OXR1: variants seen among roughly 807,000 people sequenced by gnomAD.
OXR1 encodes oxidation resistance protein 1.
In OXR1, 41 loss-of-function variants were observed where a neutral mutation model predicts 104.6. The ratio of observed to expected loss-of-function variants is 0.39; its 90% confidence interval spans 0.31 to 0.51. The LOEUF (loss-of-function observed/expected upper bound fraction) is 0.51. OXR1 is among the 20% of genes least tolerant of loss of function. The pLI is 0.77. For synonymous variants in OXR1, 348 were observed against 348.4 expected (o/e 1.00, Z 0.01); for missense variants, 955 against 1,031.9 (o/e 0.93, Z 1.02).
At chr8:106,358,850 A>AT (rs1412262713) in intron 1 of OXR1, among the ~76,000 whole-genome samples, 8 of 149,272 alleles carry the variant, frequency 5.4e-5, no homozygotes, top group Admixed American at 5.3e-4. Context: ...AATTTAGTGA[A>AT]TAATTTAATT....
At chr8:106,288,530 ATG>A (rs139132173) in intron 1 of OXR1, among the ~76,000 whole-genome samples, 32 of 131,534 alleles carry the variant, frequency 2.4e-4, no homozygotes, top group African/African-American at 8.7e-4. Flanking sequence ...ATATATATGT[ATG>A]TGTGTGTGTG....
intron 3 of OXR1, among the ~76,000 whole-genome samples, chr8:106,661,764 A>C (rs1825790556): frequency 6.6e-6 from 1 of 152,224 alleles, no homozygotes; most frequent in African/African-American, 2.4e-5. Context: ...ATTTTTAGCA[A>C]TTAAAACTAT....
At chr8:106,336,575 G>A (rs1586538689) in intron 1 of OXR1, among the ~76,000 whole-genome samples, 1 of 152,276 alleles carries the variant, frequency 6.6e-6, no homozygotes, top group East Asian at 1.9e-4. Context: ...TGATGAATTG[G>A]AATCAAATTA....
intron 3 of OXR1, among the ~76,000 whole-genome samples, chr8:106,611,777 G>C (rs951201725): frequency 2.0e-5 from 3 of 152,058 alleles, no homozygotes; most frequent in African/African-American, 7.3e-5. Context: ...GAGTCCTGTT[G>C]CCTGTAAACA....
intron 3 of OXR1, among the ~76,000 whole-genome samples, chr8:106,542,279 T>C (rs1815013163): frequency 6.6e-6 from 1 of 152,132 alleles, no homozygotes; most frequent in Admixed American, 6.6e-5. Flanking sequence ...GAATCAAGTT[T>C]ACAAGAAAGC....
At chr8:106,341,163 A>G (rs1815230692) in intron 1 of OXR1, among the ~76,000 whole-genome samples, 1 of 152,126 alleles carries the variant, frequency 6.6e-6, no homozygotes, top group South Asian at 2.1e-4. Context: ...TTTATTTTAT[A>G]GCCTTCACCT....
intron 3 of OXR1, among the ~76,000 whole-genome samples, chr8:106,590,572 C>G (rs1391337407): frequency 6.6e-6 from 1 of 152,246 alleles, no homozygotes; most frequent in South Asian, 2.1e-4. Context: ...AGGCATGAGC[C>G]ACCGTGCCCG....
intron 2 of OXR1, among the ~76,000 whole-genome samples, chr8:106,438,055 A>C (rs778975230): frequency 4.6e-5 from 7 of 152,200 alleles, no homozygotes; most frequent in Middle Eastern, 3.2e-3. Context: ...GAACAGGACA[A>C]ACACCCACTT....
In OXR1 at chr8:106,702,458, T is replaced by C. The variant is rs550231529; in HGVS notation, c.676-448T>C. Among the ~76,000 whole-genome samples the C allele has an allele frequency of 2.0e-5, 3 of 152,276 alleles. No homozygotes were observed. In the East Asian group the frequency reaches 5.8e-4, roughly 29 times the overall value. ...AGTGGAAACAGATTTTTTAAAGAGA[T>C]GTTTTAAAGATATTATACTCTTTTC... is the stretch of plus-strand genomic sequence containing the variant. On this transcript the variant is annotated intron_variant, in intron 7 of 16. Coordinates refer to ENST00000517566, the MANE Select transcript of OXR1 (RefSeq NM_001198533.2).
intron 3 of OXR1, chr8:106,618,245 G>A: frequency 8.0e-7 from 1 of 1,251,720 alleles, no homozygotes; most frequent in Non-Finnish European, 1.1e-6. Context: ...AGATACAGCG[G>A]ACATTAAAGG....
intron 2 of OXR1, among the ~76,000 whole-genome samples, chr8:106,489,327 T>C (rs1218534029): frequency 6.6e-6 from 1 of 152,134 alleles, no homozygotes; most frequent in East Asian, 1.9e-4. Context: ...AATGCTGCTG[T>C]GTGATTTGGC....
intron 2 of OXR1, among the ~76,000 whole-genome samples, chr8:106,454,735 TC>T (rs1820508935): frequency 6.6e-6 from 1 of 152,130 alleles, no homozygotes; most frequent in Admixed American, 6.6e-5. Flanking sequence ...AACATACTCT[TC>T]CAGTTTCCTC....
intron 2 of OXR1, among the ~76,000 whole-genome samples, chr8:106,427,680 A>G (rs1819188198): frequency 2.6e-5 from 4 of 152,114 alleles, no homozygotes; most frequent in African/African-American, 9.7e-5. Context: ...AAAATACTTG[A>G]TTACTTGGGG....
intron 2 of OXR1, among the ~76,000 whole-genome samples, chr8:106,493,052 TA>T (rs1438769432): frequency 1.3e-5 from 2 of 152,074 alleles, no homozygotes; most frequent in East Asian, 1.9e-4. Context: ...GACTTTTTTT[TA>T]AAAAAATTGA....
At chr8:106,417,636 G>A (rs1156303617) in intron 2 of OXR1, among the ~76,000 whole-genome samples, 1 of 152,116 alleles carries the variant, frequency 6.6e-6, no homozygotes, top group Non-Finnish European at 1.5e-5. Context: ...ACAGAAAAAT[G>A]TCTTAAGTTT....
intron 2 of OXR1, among the ~76,000 whole-genome samples, chr8:106,481,025 A>G (rs1397048315): frequency 2.0e-5 from 3 of 152,052 alleles, no homozygotes; most frequent in South Asian, 2.1e-4. Context: ...AGGACAGTGT[A>G]TGGCTTACCA....
intron 2 of OXR1, among the ~76,000 whole-genome samples, chr8:106,373,973 T>C (rs1000741970): frequency 7.9e-5 from 12 of 152,258 alleles, no homozygotes; most frequent in African/African-American, 2.7e-4. Flanking sequence ...AATCGGCTCC[T>C]AGCCAAAGTA....
chr8:106,493,473 C>T (rs908097097), intron 2 of OXR1, among the ~76,000 whole-genome samples: 24 of 151,834 alleles, frequency 1.6e-4, no homozygotes, highest in African/African-American at 5.3e-4. Flanking sequence ...TTAAAATGCA[C>T]TCCCACCAAA....
chr8:106,523,787 T>A (rs1813435855), intron 3 of OXR1, among the ~76,000 whole-genome samples: 1 of 151,920 alleles, frequency 6.6e-6, no homozygotes, highest in African/African-American at 2.4e-5. Context: ...ATTTTTTTTT[T>A]TTTTTGAGAC....
Sources: gnomAD v4.1 joint callset for allele counts (sites outside exome capture counted in the v4.1 genomes callset) on GRCh38, gnomAD v4.1.1 for gene constraint, MANE v1.5 for transcripts, NCBI Gene and HGNC (gene_info 2026-07-23, HGNC 2026-07-21) for gene names.